The following RNF38 variants were observed in gnomAD, a reference collection of about 807,000 sequenced individuals.
RNF38 encodes ring finger protein 38, also known as E3 ubiquitin-protein ligase RNF38.
RNF38 carries 15 observed loss-of-function variants against 67.2 expected under a neutral mutation model. The ratio of observed to expected loss-of-function variants is 0.22; its 90% confidence interval spans 0.15 to 0.34. RNF38 has a LOEUF of 0.34. Ranked by LOEUF, RNF38 falls within the 10% of genes least tolerant of loss-of-function variation. The probability of loss-of-function intolerance (pLI) is 1.00; values close to 1 mark genes in which losing one functional copy is unlikely to be tolerated. For synonymous variants in RNF38, 220 were observed against 218.8 expected (o/e 1.01, Z -0.05); for missense variants, 524 against 639.9 (o/e 0.82, Z 1.95).
chr9:36,485,082 T>C (rs930479858), intron 1 of RNF38, among the ~76,000 whole-genome samples: 21 of 152,154 alleles, frequency 1.4e-4, no homozygotes, highest in African/African-American at 3.6e-4. Context: ...GGCAGGAGAA[T>C]GGTGTGAACC....
At chr9:36,473,930 G>A (rs181229327) in intron 1 of RNF38, among the ~76,000 whole-genome samples, 3 of 148,332 alleles carry the variant, frequency 2.0e-5, no homozygotes, top group East Asian at 2.0e-4. Flanking sequence ...ACGTTGCAGC[G>A]AGCTGAGATC....
At chr9:36,382,742 C>T (rs1357417901) in intron 2 of RNF38, among the ~76,000 whole-genome samples, 2 of 152,190 alleles carry the variant, frequency 1.3e-5, no homozygotes, top group Non-Finnish European at 2.9e-5. Flanking sequence ...TTCTCAAGAA[C>T]CTGGTCCTCT....
chr9:36,471,630 C>T (rs1291632553), intron 1 of RNF38, among the ~76,000 whole-genome samples: 1 of 152,186 alleles, frequency 6.6e-6, no homozygotes, highest in Non-Finnish European at 1.5e-5. Context: ...TGACTCTTAT[C>T]TCAAAATAAC....
chr9:36,367,883 G>A lies in RNF38; in HGVS notation c.570+1836C>T, dbSNP rs183957675. Among the ~76,000 whole-genome samples the A allele has an allele frequency of 3.6e-3, 553 of 152,224 alleles. 2 individuals carry two copies. Among genetic ancestry groups the A allele is most frequent in the Middle Eastern group, 0.014 (4 of 294 alleles). ...TTTTATTTTTTTGAGATGGAGTCTCGCTCTGTTGCCCAGGCTGGAGTGCAA... is the reference window on the plus strand; with the variant it reads ...TTTTATTTTTTTGAGATGGAGTCTCACTCTGTTGCCCAGGCTGGAGTGCAA... On this transcript the variant is annotated intron_variant, in intron 4 of 11. Coordinates refer to ENST00000259605, the MANE Select transcript of RNF38 (RefSeq NM_022781.5).
At chr9:36,390,358 C>A (rs1836983650) in intron 2 of RNF38, 109 bp downstream of exon 2, 2 of 911,006 alleles carry the variant, frequency 2.2e-6, no homozygotes, top group East Asian at 2.7e-5. Flanking sequence ...TTTCCACATA[C>A]AACAGAAAAC....
At chr9:36,473,359 A>G (rs2134420784) in intron 1 of RNF38, among the ~76,000 whole-genome samples, 1 of 151,298 alleles carries the variant, frequency 6.6e-6, no homozygotes, top group African/African-American at 2.4e-5. Context: ...AGGCCAAGGC[A>G]GGCGGATCAC....
chr9:36,456,122 G>A (rs938386099), intron 1 of RNF38, among the ~76,000 whole-genome samples: 2 of 151,966 alleles, frequency 1.3e-5, no homozygotes, highest in Admixed American at 6.6e-5. Flanking sequence ...AGGCAGTGGC[G>A]TGATCTCAGC....
At chr9:36,467,411 G>A (rs1319713014) in intron 1 of RNF38, among the ~76,000 whole-genome samples, 2 of 151,610 alleles carry the variant, frequency 1.3e-5, no homozygotes, top group African/African-American at 4.8e-5. Context: ...TAATTAAGGA[G>A]AGTAATTATG....
chr9:36,377,288 T>C (rs1181239776), intron 2 of RNF38, among the ~76,000 whole-genome samples: 1 of 152,214 alleles, frequency 6.6e-6, no homozygotes, highest in African/African-American at 2.4e-5. Flanking sequence ...GTACTTTTGG[T>C]TGCAAAATAA....
At chr9:36,420,800 A>G in intron 2 of RNF38, among the ~76,000 whole-genome samples, 1 of 152,168 alleles carries the variant, frequency 6.6e-6, no homozygotes, top group South Asian at 2.1e-4. Context: ...CCTGTGAACG[A>G]ATGTAAAAAT....
rs1296720061 is a variant in RNF38 at position 36,347,223 on chromosome 9, T to A, written c.1264-2270A>T. 4.0e-5 allele frequency among the ~76,000 whole-genome samples: 6 copies of A among 151,606 alleles called. No individual in the cohort carries two copies. In the South Asian group the frequency reaches 8.4e-4, roughly 21 times the overall value. On this transcript the variant is annotated intron_variant, in intron 9 of 11. Coordinates refer to ENST00000259605, the MANE Select transcript of RNF38 (RefSeq NM_022781.5). ...AAATTTATGATATCATTGATAATGATCTTTTATATCTCTTAGTACACAAAG... is the reference window on the plus strand; with the variant it reads ...AAATTTATGATATCATTGATAATGAACTTTTATATCTCTTAGTACACAAAG...
chr9:36,393,522 T>TGTGTGTGTGTGTGG (rs57164047), intron 1 of RNF38, among the ~76,000 whole-genome samples: 1 of 124,498 alleles, frequency 8.0e-6, no homozygotes, highest in Non-Finnish European at 1.7e-5. Flanking sequence ...TGTGTGTGTG[T>TGTGTGTGTGTGTGG]GGGGCAGGCA....
At chr9:36,361,156 T>G (rs1327116427) in intron 4 of RNF38, among the ~76,000 whole-genome samples, 1 of 151,864 alleles carries the variant, frequency 6.6e-6, no homozygotes, top group Non-Finnish European at 1.5e-5. Context: ...TCAGATTGTA[T>G]AGTCATTTTT....
intron 1 of RNF38, among the ~76,000 whole-genome samples, chr9:36,392,772 G>T (rs1052622096): frequency 6.6e-6 from 1 of 152,010 alleles, no homozygotes; most frequent in African/African-American, 2.4e-5. Flanking sequence ...CTAAAAATAA[G>T]TATTTGTTAA....
At chr9:36,487,421 G>GGTGGGGGGC in exon 1 of RNF38, 1 of 981,482 alleles carries the variant, frequency 1.0e-6, no homozygotes, top group Non-Finnish European at 1.2e-6. Context: ...GGGCGGCGGC[G>GGTGGGGGGC]GTGGGGGGCG....
In RNF38 at chr9:36,356,446, A is replaced by G; in HGVS notation, c.766T>C (p.Leu256=). 6.2e-7 allele frequency: 1 copy of G among 1,610,606 alleles called. No homozygotes were observed. Among genetic ancestry groups the G allele is most frequent in the Non-Finnish European group, 8.5e-7 (1 of 1,178,488 alleles). Residue 256 remains leucine, a synonymous_variant, in exon 6 of 12, where the codon TTA becomes CTA. Transcript: ENST00000259605. ...GGGAATGCAGCATATGGTACTGGTA[A>G]GTGCTGAACTGAACATGCCTGAAGC... ...PMLQACSVQH[L]PVPYAAFPPL...
chr9:36,408,849 T>C (rs1838246502), intron 2 of RNF38, among the ~76,000 whole-genome samples: 1 of 152,180 alleles, frequency 6.6e-6, no homozygotes, highest in African/African-American at 2.4e-5. Context: ...AAATAAGGAC[T>C]TAAATGGGTT....
At chr9:36,379,863 T>C (rs1382028327) in intron 2 of RNF38, among the ~76,000 whole-genome samples, 1 of 152,220 alleles carries the variant, frequency 6.6e-6, no homozygotes. Flanking sequence ...GGAAAGTCAA[T>C]GAGGAATGCA....
At chr9:36,348,711 G>A (rs1453013004) in intron 9 of RNF38, among the ~76,000 whole-genome samples, 4 of 152,188 alleles carry the variant, frequency 2.6e-5, no homozygotes, top group Non-Finnish European at 5.9e-5. Flanking sequence ...GCTAGCAAAG[G>A]CTGGTTCATC....
Sources: gnomAD v4.1 joint callset for allele counts (sites outside exome capture counted in the v4.1 genomes callset) on GRCh38, gnomAD v4.1.1 for gene constraint, MANE v1.5 for transcripts, NCBI Gene and HGNC (gene_info 2026-07-23, HGNC 2026-07-21) for gene names.